The following MAN1A2 variants were observed in gnomAD, a reference collection of about 807,000 sequenced individuals.
MAN1A2 encodes mannosyl-oligosaccharide 1,2-alpha-mannosidase IB.
In MAN1A2, 26 loss-of-function variants were observed where a neutral mutation model predicts 75.7. The observed-to-expected ratio is 0.34, with a 90% CI of 0.25 to 0.48. MAN1A2 has a LOEUF of 0.48. MAN1A2 is among the 20% of genes least tolerant of loss of function. MAN1A2 has a pLI of 0.99. For missense variants in MAN1A2, 562 were observed against 775.5 expected, an observed-to-expected ratio of 0.72 and a Z score of 3.27; for synonymous variants, 247 against 264.6, an observed-to-expected ratio of 0.93 and a Z score of 0.65.
At chr1:117,460,730 A>G (rs1398115692) in intron 7 of MAN1A2, 118 bp downstream of exon 7, 2 of 1,218,308 alleles carry the variant, frequency 1.6e-6, no homozygotes, top group Non-Finnish European at 2.1e-6. Context: ...TTAGGGCTGT[A>G]GCCTTTATTT....
At chr1:117,450,303 A>G (rs1188013677) in intron 6 of MAN1A2, among the ~76,000 whole-genome samples, 2 of 152,138 alleles carry the variant, frequency 1.3e-5, no homozygotes, top group Non-Finnish European at 2.9e-5. Flanking sequence ...CTTGAGAGAG[A>G]TGATCTAGGG....
intron 7 of MAN1A2, among the ~76,000 whole-genome samples, chr1:117,464,066 T>C (rs931254824): frequency 6.6e-6 from 1 of 152,086 alleles, no homozygotes; most frequent in Non-Finnish European, 1.5e-5. Flanking sequence ...ACCTAAAAGC[T>C]GCAAGAAGAA....
intron 1 of MAN1A2, among the ~76,000 whole-genome samples, chr1:117,372,102 A>G (rs1652982865): frequency 6.6e-6 from 1 of 152,230 alleles, no homozygotes; most frequent in Non-Finnish European, 1.5e-5. Context: ...AATAAAAGCA[A>G]GGGAATGACA....
rs1298638368 is a variant in MAN1A2 at position 117,526,878 on chromosome 1, C to CTATATATATA, written c.*3922_*3923insATATATATAT. Reference sequence around the variant, plus strand: ...TCTCTCTCTCTCTCTCTCTCTCTCTCTCTATATATATATATATATATATAT... The same window carrying CTATATATATA: ...TCTCTCTCTCTCTCTCTCTCTCTCTCTATATATATATCTATATATATATATATATATATAT... On this transcript the variant is annotated 3_prime_UTR_variant, in exon 13 of 13. Coordinates refer to ENST00000356554, the MANE Select transcript of MAN1A2 (RefSeq NM_006699.5). 6.4e-4 allele frequency: 39 copies of CTATATATATA among 60,764 alleles called. No homozygotes were observed. Among genetic ancestry groups the CTATATATATA allele is most frequent in the Non-Finnish European group, 8.7e-4 (25 of 28,800 alleles). The allele number at this position is 60,764 out of a possible 1,614,324, so 3.8% of individuals were successfully genotyped here. A position where few individuals can be genotyped will look rare whatever the true frequency, so the allele number is the denominator to read the frequency against.
chr1:117,428,690 A>G (rs183410694), intron 5 of MAN1A2, among the ~76,000 whole-genome samples: 45 of 152,176 alleles, frequency 3.0e-4, no homozygotes, highest in Non-Finnish European at 2.2e-4. Context: ...TACATAGTAT[A>G]TGAACAGCAA....
At chr1:117,435,800 G>A (rs1454589151) in intron 5 of MAN1A2, among the ~76,000 whole-genome samples, 9 of 152,182 alleles carry the variant, frequency 5.9e-5, no homozygotes, top group Admixed American at 3.9e-4. Context: ...GCTCATGCCT[G>A]TAATCCCAGC....
At chr1:117,380,426 A>G (rs150751648) in intron 1 of MAN1A2, among the ~76,000 whole-genome samples, 20 of 152,278 alleles carry the variant, frequency 1.3e-4, no homozygotes, top group African/African-American at 3.6e-4. Context: ...CCAAGAATCA[A>G]TTGCCAAATC....
At chr1:117,423,985 C>T (rs930312114) in intron 5 of MAN1A2, among the ~76,000 whole-genome samples, 4 of 151,200 alleles carry the variant, frequency 2.6e-5, no homozygotes, top group African/African-American at 4.9e-5. Context: ...CGGGTTCAAG[C>T]GATTCTCCTG....
At chr1:117,414,638 CT>C (rs370966234) in intron 3 of MAN1A2, 74 bp from the exon 4 acceptor site, 121 of 728,428 alleles carry the variant, frequency 1.7e-4, no homozygotes, top group South Asian at 2.7e-4. Context: ...TGAAGGGAAT[CT>C]TTTTTTTCCC....
At chr1:117,510,873 A>G (rs1443484128) in intron 12 of MAN1A2, among the ~76,000 whole-genome samples, 3 of 152,028 alleles carry the variant, frequency 2.0e-5, no homozygotes, top group African/African-American at 7.2e-5. Context: ...CTGTAAAAAT[A>G]TGCCCTATGT....
chr1:117,482,585 G>A (rs1650535422), intron 8 of MAN1A2, among the ~76,000 whole-genome samples: 1 of 151,798 alleles, frequency 6.6e-6, no homozygotes, highest in East Asian at 1.9e-4. Flanking sequence ...CTTTTTGATG[G>A]GGTTGTTTTT....
At chr1:117,444,121 T>C (rs756883896) in intron 6 of MAN1A2, among the ~76,000 whole-genome samples, 6 of 152,180 alleles carry the variant, frequency 3.9e-5, no homozygotes, top group Non-Finnish European at 7.3e-5. Flanking sequence ...CTGCTTCTTA[T>C]CTTTCTCACT....
chr1:117,485,569 T>G (rs1022960136), intron 8 of MAN1A2, among the ~76,000 whole-genome samples: 1 of 151,930 alleles, frequency 6.6e-6, no homozygotes, highest in Non-Finnish European at 1.5e-5. Context: ...AGAGAGATTT[T>G]GGGTTCATAA....
At chr1:117,441,274 G>T (rs1463175466) in intron 5 of MAN1A2, among the ~76,000 whole-genome samples, 1 of 152,006 alleles carries the variant, frequency 6.6e-6, no homozygotes, top group African/African-American at 2.4e-5. Flanking sequence ...GGTATGCTTT[G>T]TTATAATATA....
At chr1:117,463,518 TAC>T (rs10560421) in intron 7 of MAN1A2, among the ~76,000 whole-genome samples, 89,998 of 150,298 alleles carry the variant, frequency 0.6, 27,093 homozygotes, top group Non-Finnish European at 0.65. Flanking sequence ...AACACACACA[TAC>T]ACACACACAC....
intron 9 of MAN1A2, chr1:117,493,510 G>A: frequency 6.7e-6 from 2 of 296,642 alleles, no homozygotes; most frequent in East Asian, 8.9e-5. Context: ...TCCAGGTGCA[G>A]TGGCTCACGC....
At chr1:117,465,709 A>G (rs1649959971) in intron 7 of MAN1A2, among the ~76,000 whole-genome samples, 1 of 152,106 alleles carries the variant, frequency 6.6e-6, no homozygotes, top group African/African-American at 2.4e-5. Context: ...AAGTTCACCT[A>G]ATCTATAGTT....
At chr1:117,486,077 A>G (rs1029634042) in intron 8 of MAN1A2, among the ~76,000 whole-genome samples, 1 of 152,070 alleles carries the variant, frequency 6.6e-6, no homozygotes, top group Non-Finnish European at 1.5e-5. Flanking sequence ...CTACAGTGGG[A>G]TAACATACAG....
Position 117,405,562 on chromosome 1 carries a change from C to G in MAN1A2, c.572C>G (p.Ala191Gly), listed in dbSNP as rs1355958174. The G allele has an allele frequency of 1.3e-6, 2 of 1,595,228 alleles. No individual in the cohort carries two copies. The highest frequency in any genetic ancestry group is 1.7e-6 in the Non-Finnish European group (2 of 1,163,418). ...TTCTCTTTTCAGATGATGAAACATG[C>G]TTGGGATAACTATAGGACATATGGG... The part of the protein sequence containing the change: ...REKIKEMMKH[A>G]WDNYRTYGWG... The change falls in exon 3 of 13, where the codon GCT (alanine) becomes GGT (glycine). Residue 191 changes from alanine (A) to glycine (G), a missense_variant. By Grantham distance (60) the Ala-to-Gly change is moderately conservative. Coordinates refer to ENST00000356554, the MANE Select transcript of MAN1A2 (RefSeq NM_006699.5).
Sources: allele counts gnomAD v4.1 joint callset (sites outside exome capture counted in the v4.1 genomes callset), GRCh38; gene constraint gnomAD v4.1.1; transcripts MANE v1.5; gene names NCBI Gene and HGNC (gene_info 2026-07-23, HGNC 2026-07-21).